FGD3: variants seen among roughly 807,000 people sequenced by gnomAD.
FGD3 encodes FYVE, RhoGEF and PH domain-containing protein 3.
In FGD3, 45 loss-of-function variants were observed where a neutral mutation model predicts 71.8. The ratio of observed to expected loss-of-function variants is 0.63; its 90% CI spans 0.49 to 0.80. The LOEUF is 0.80. Among genes scored for constraint, FGD3 ranks in the 30% least tolerant of loss-of-function variants. The pLI is 0.00. For synonymous variants in FGD3, 378 were observed against 392.8 expected (o/e 0.96, Z 0.44); for missense variants, 844 against 951.5 (o/e 0.89, Z 1.49).
At chr9:93,033,026 G>A (rs1862419856) in intron 16 of FGD3, 153 bp downstream of exon 16, 5 of 753,000 alleles carry the variant, frequency 6.6e-6, no homozygotes, top group Non-Finnish European at 7.0e-6. Context: ...CCCCCAGGCT[G>A]GGAACACACT....
At position 93,022,401 on chromosome 9, in the gene FGD3, A is replaced by G; in HGVS notation, c.1557+12A>G. ...CGGGTGCAGCAGGGGTAAGTGCCCC[A>G]TGCTCAGCGGTCAGCAGGGGTGAAA... is the stretch of plus-strand genomic sequence containing the variant. On this transcript the variant is annotated intron_variant, in intron 14 of 17. Transcript: ENST00000375482. 2 of 1,611,366 alleles carry G rather than the reference A, an allele frequency of 1.2e-6. No individual in the cohort carries two copies. The highest frequency in any genetic ancestry group is 1.3e-5 in the African/African-American group (1 of 75,038).
chr9:92,967,729 C>G (rs1177072191), intron 1 of FGD3, among the ~76,000 whole-genome samples: 1 of 152,212 alleles, frequency 6.6e-6, no homozygotes, highest in Non-Finnish European at 1.5e-5. Flanking sequence ...CATGCACCAC[C>G]ATGCCCAGCT....
chr9:92,962,855 C>A (rs996320853), intron 1 of FGD3, among the ~76,000 whole-genome samples: 1 of 149,112 alleles, frequency 6.7e-6, no homozygotes, highest in Non-Finnish European at 1.5e-5. Context: ...GCAGGAGAAT[C>A]TTTGAAACCA....
chr9:92,977,337 A>G (rs573169720), intron 3 of FGD3, among the ~76,000 whole-genome samples: 1 of 152,070 alleles, frequency 6.6e-6, no homozygotes, highest in African/African-American at 2.4e-5. Flanking sequence ...CGGTGCTGGG[A>G]TCTTGGGGAG....
At chr9:92,980,373 C>CA (rs1163690015) in intron 3 of FGD3, among the ~76,000 whole-genome samples, 1 of 151,984 alleles carries the variant, frequency 6.6e-6, no homozygotes, top group Non-Finnish European at 1.5e-5. Context: ...TTGCTCTTTT[C>CA]AAAAAACCAA....
intron 3 of FGD3, among the ~76,000 whole-genome samples, chr9:92,998,403 G>A (rs978704365): frequency 5.9e-5 from 9 of 152,090 alleles, no homozygotes; most frequent in Non-Finnish European, 8.8e-5. Flanking sequence ...GCTTCTTTGC[G>A]ATGGGTTCAA....
intron 14 of FGD3, among the ~76,000 whole-genome samples, chr9:93,024,218 T>C (rs1862037771): frequency 6.6e-6 from 1 of 152,222 alleles, no homozygotes; most frequent in African/African-American, 2.4e-5. Flanking sequence ...TGAAAAGCAA[T>C]GTGTACTCAT....
chr9:92,958,527 A>G (rs1293196539), intron 1 of FGD3, among the ~76,000 whole-genome samples: 1 of 152,192 alleles, frequency 6.6e-6, no homozygotes, highest in East Asian at 1.9e-4. Context: ...GTGCCTTTTG[A>G]TAAGCAGAAG....
At chr9:93,020,670 C>T in intron 13 of FGD3, 1 of 473,730 alleles carries the variant, frequency 2.1e-6, no homozygotes, top group East Asian at 4.0e-5. Flanking sequence ...CCCCTGAGAC[C>T]AGAATAGGTC....
intron 6 of FGD3, among the ~76,000 whole-genome samples, chr9:93,008,577 T>A (rs1256303677): frequency 6.6e-6 from 1 of 152,204 alleles, no homozygotes; most frequent in Non-Finnish European, 1.5e-5. Context: ...TCCTGCCCGG[T>A]GACGCAGTCT....
At chr9:92,997,839 CT>C (rs1464436344) in intron 3 of FGD3, among the ~76,000 whole-genome samples, 1 of 152,236 alleles carries the variant, frequency 6.6e-6, no homozygotes, top group Admixed American at 6.5e-5. Context: ...GAGAGATCCA[CT>C]GTTAGTCTGA....
At chr9:93,011,381 G>T in intron 8 of FGD3, 109 bp downstream of exon 8, 1 of 1,363,918 alleles carries the variant, frequency 7.3e-7, no homozygotes, top group East Asian at 2.3e-5. Context: ...GGCTCCACAA[G>T]TGACTCTTTT....
In FGD3 at chr9:93,002,925, C is replaced by G. The variant is rs752532031; in HGVS notation, c.454C>G (p.His152Asp). 1 of 1,613,804 alleles carries G rather than the reference C, an allele frequency of 6.2e-7. No individual in the cohort carries two copies. Among genetic ancestry groups the G allele is most frequent in the South Asian group, 1.1e-5 (1 of 91,074 alleles). ...KADKDAGLAQ[H>D]SGPQKLLHIA... ...TGAGCTGCATCTCTTCTCTCCGCAGCACTCTGGCCCCCAGAAGCTTCTCCA... is the reference window on the plus strand; with the variant it reads ...TGAGCTGCATCTCTTCTCTCCGCAGGACTCTGGCCCCCAGAAGCTTCTCCA... The change falls in exon 4 of 18, where the codon CAC becomes GAC. Residue 152 changes from histidine (H) to aspartate (D), a missense_variant and splice_region_variant. By Grantham distance (81) the His-to-Asp change is moderately conservative. Coordinates refer to ENST00000375482, the MANE Select transcript of FGD3 (RefSeq NM_001083536.2).
intron 1 of FGD3, among the ~76,000 whole-genome samples, chr9:92,953,912 A>G (rs1224534916): frequency 1.3e-5 from 2 of 152,228 alleles, no homozygotes; most frequent in African/African-American, 2.4e-5. Flanking sequence ...TAAATTTTCC[A>G]TATGTAAACA....
At chr9:93,011,879 C>T (rs558237128) in intron 8 of FGD3, among the ~76,000 whole-genome samples, 3 of 139,920 alleles carry the variant, frequency 2.1e-5, no homozygotes, top group East Asian at 4.3e-4. Context: ...TCACTCTAGG[C>T]CAGGCGCGGT....
chr9:92,971,434 C>CTCATGATCCA (rs1359775895), intron 1 of FGD3, among the ~76,000 whole-genome samples: 1 of 152,044 alleles, frequency 6.6e-6, no homozygotes, highest in Non-Finnish European at 1.5e-5. Context: ...CTCACCTCTC[C>CTCATGATCCA]TCATGATCCA....
At chr9:92,977,558 G>T (rs1477670241) in intron 3 of FGD3, among the ~76,000 whole-genome samples, 1 of 152,152 alleles carries the variant, frequency 6.6e-6, no homozygotes, top group African/African-American at 2.4e-5. Context: ...ACTGTGAGCT[G>T]GCTTGGCGGA....
In FGD3 at chr9:92,968,607, C is replaced by CTTTTTTTTTTTTTTTTTT. The variant is rs55908030; in HGVS notation, c.-217-6617_-217-6616insTTTTTTTTTTTTTTTTTT. 1.4e-5 allele frequency among the ~76,000 whole-genome samples: 2 copies of CTTTTTTTTTTTTTTTTTT among 143,032 alleles called. 1 individual carries two copies. The highest frequency in any genetic ancestry group is 5.2e-5 in the African/African-American group (2 of 38,578). 93.8% of individuals were successfully genotyped at this position (143,032 alleles called of 152,430 possible). ...GTTTTCTTTTCTTTTTTCTTTCTTT[C>CTTTTTTTTTTTTTTTTTT]TTTTTTTTTTTTTTGACACGGAGTC... is the stretch of plus-strand genomic sequence containing the variant. On this transcript the variant is annotated intron_variant, in intron 1 of 17. Coordinates refer to ENST00000375482, the MANE Select transcript of FGD3 (RefSeq NM_001083536.2).
chr9:93,020,206 G>T (rs1587863394), intron 12 of FGD3, 111 bp from the exon 13 acceptor site: 3 of 988,232 alleles, frequency 3.0e-6, no homozygotes, highest in Admixed American at 5.4e-5. Context: ...CCTGGGCATT[G>T]TTCTGGGAAC....
Sources: allele counts gnomAD v4.1 joint callset (sites outside exome capture counted in the v4.1 genomes callset), GRCh38; gene constraint gnomAD v4.1.1; transcripts MANE v1.5; gene names NCBI Gene and HGNC (gene_info 2026-07-23, HGNC 2026-07-21).